The following ACTN1 variants were observed in gnomAD, a reference collection of about 807,000 sequenced individuals.
The protein encoded by ACTN1 is alpha-actinin-1.
A neutral mutation model predicts 119.6 loss-of-function variants in ACTN1; 30 were observed. The observed-to-expected ratio is 0.25, with a 90% CI of 0.19 to 0.34. ACTN1 has a LOEUF of 0.34. Among genes scored for constraint, ACTN1 ranks in the 10% least tolerant of loss-of-function variants. The probability of loss-of-function intolerance (pLI) is 1.00; values close to 1 mark genes in which losing one functional copy is unlikely to be tolerated. For synonymous variants in ACTN1, 429 were observed against 472.6 expected (o/e 0.91, Z 1.20); for missense variants, 764 against 1,223.4 (o/e 0.62, Z 5.60).
intron 1 of ACTN1, among the ~76,000 whole-genome samples, chr14:68,942,933 C>T (rs969319628): frequency 1.3e-5 from 2 of 152,086 alleles, no homozygotes; most frequent in East Asian, 1.9e-4. Context: ...TGCATGGCCC[C>T]GAGATGACAC....
At chr14:68,949,735 A>C (rs1437131324) in intron 1 of ACTN1, among the ~76,000 whole-genome samples, 2 of 152,246 alleles carry the variant, frequency 1.3e-5, no homozygotes, top group East Asian at 3.8e-4. Flanking sequence ...CGGAGAAACC[A>C]AACATGGTCA....
intron 1 of ACTN1, among the ~76,000 whole-genome samples, chr14:68,955,638 A>G (rs1003917156): frequency 6.6e-6 from 1 of 152,106 alleles, no homozygotes. Context: ...GCAGGGGAGG[A>G]CCTGCTGAGC....
At chr14:68,937,498 A>C (rs2140472525) in intron 1 of ACTN1, among the ~76,000 whole-genome samples, 2 of 152,340 alleles carry the variant, frequency 1.3e-5, no homozygotes, top group East Asian at 3.9e-4. Context: ...AAGAACTTTA[A>C]AGTGCCTTAT....
Position 68,878,083 on chromosome 14 carries a change from A to C in ACTN1, c.2427+375T>G. 1 of 200,554 alleles carries C rather than the reference A, an allele frequency of 5.0e-6. No homozygotes were observed. The highest frequency in any genetic ancestry group is 1.0e-5 in the Non-Finnish European group (1 of 97,966). The allele number at this position is 200,554 out of a possible 1,614,324, so 12.4% of individuals were successfully genotyped here. ...GCCCAACCAGAGTCACCGCCAGGAC[A>C]GAGGTGGAAGTCTCGGTTTCCATGC... On this transcript the variant is annotated intron_variant, in intron 20 of 21. Transcript: ENST00000394419. This position sits in a 1 kb window ranked among gnomAD's most constrained non-coding sequence, Gnocchi z 4.4.
chr14:68,894,245 G>A (rs141701681), intron 8 of ACTN1, among the ~76,000 whole-genome samples: 249 of 152,306 alleles, frequency 1.6e-3, no homozygotes, highest in African/African-American at 5.8e-3. Context: ...TGGGATCCCT[G>A]CAGAATCTCC....
chr14:68,903,845 T>A (rs969405857), intron 7 of ACTN1, among the ~76,000 whole-genome samples: 5 of 152,136 alleles, frequency 3.3e-5, no homozygotes, highest in African/African-American at 9.7e-5. Context: ...CGAGACGCTC[T>A]ACACAGGGAG....
At chr14:68,955,454 C>G (rs550008022) in intron 1 of ACTN1, among the ~76,000 whole-genome samples, 1 of 152,230 alleles carries the variant, frequency 6.6e-6, no homozygotes, top group African/African-American at 2.4e-5. Flanking sequence ...ACCCAGACAA[C>G]AGTCCACAGT....
chr14:68,929,302 G>C (rs1329694037), intron 1 of ACTN1, among the ~76,000 whole-genome samples: 1 of 152,132 alleles, frequency 6.6e-6, no homozygotes, highest in Non-Finnish European at 1.5e-5. Flanking sequence ...TGCTCCAGGG[G>C]TCCAGCAAGG....
intron 1 of ACTN1, among the ~76,000 whole-genome samples, chr14:68,958,383 G>A (rs1279614525): frequency 6.6e-6 from 1 of 152,154 alleles, no homozygotes; most frequent in Non-Finnish European, 1.5e-5. Context: ...CACTGCAGCA[G>A]TGAACCAGGT....
chr14:68,976,966 C>A (rs1007760740), intron 1 of ACTN1, among the ~76,000 whole-genome samples: 1 of 152,190 alleles, frequency 6.6e-6, no homozygotes, highest in Non-Finnish European at 1.5e-5. Flanking sequence ...CTCCCCACTG[C>A]GTTTAATATA....
At chr14:68,918,310 G>A (rs7400833) in intron 3 of ACTN1, among the ~76,000 whole-genome samples, 26,702 of 152,184 alleles carry the variant, frequency 0.18, 3,121 homozygotes, top group East Asian at 0.6. Context: ...GGCCGGGCGC[G>A]GTGGCTCACG....
chr14:68,973,465 A>G (rs938093530), intron 1 of ACTN1, among the ~76,000 whole-genome samples: 5 of 152,184 alleles, frequency 3.3e-5, no homozygotes, highest in Non-Finnish European at 7.3e-5. Context: ...CCATGTGAAG[A>G]AGGACATGTT....
In ACTN1 at chr14:68,979,298, A is replaced by T. The variant is rs546507698; in HGVS notation, c.-242T>A. The T allele has an allele frequency of 3.4e-6, 1 of 292,448 alleles. No homozygotes were observed. Among genetic ancestry groups the T allele is most frequent in the South Asian group, 6.1e-5 (1 of 16,504 alleles). 18.1% of individuals were successfully genotyped at this position (292,448 alleles called of 1,614,324 possible). A position where few individuals can be genotyped will look rare whatever the true frequency, so the allele number is the denominator to read the frequency against. ...GGGCGCTTGGACCTAATCTCCACGCACACTGAACTAGGCGGACACACTAGC... is the reference window on the plus strand; with the variant it reads ...GGGCGCTTGGACCTAATCTCCACGCTCACTGAACTAGGCGGACACACTAGC... On this transcript the variant is annotated 5_prime_UTR_variant, in exon 1 of 22. Transcript: ENST00000394419.
At chr14:68,966,921 A>T (rs2036725599) in intron 1 of ACTN1, among the ~76,000 whole-genome samples, 1 of 152,238 alleles carries the variant, frequency 6.6e-6, no homozygotes. Flanking sequence ...CAGGATGAAG[A>T]GGGACATGTC....
At chr14:68,905,386 AG>A (rs2033605369) in intron 6 of ACTN1, among the ~76,000 whole-genome samples, 1 of 152,242 alleles carries the variant, frequency 6.6e-6, no homozygotes, top group Non-Finnish European at 1.5e-5. Flanking sequence ...CTGTGAGAAT[AG>A]GATGGTGGTT....
At chr14:68,932,470 C>G (rs1328157630) in intron 1 of ACTN1, among the ~76,000 whole-genome samples, 1 of 146,662 alleles carries the variant, frequency 6.8e-6, no homozygotes, top group Non-Finnish European at 1.5e-5. Context: ...ACATCTATCT[C>G]ATTAGTTCTG....
At chr14:68,888,842 CT>C (rs1302948002) in intron 11 of ACTN1, among the ~76,000 whole-genome samples, 2 of 152,112 alleles carry the variant, frequency 1.3e-5, no homozygotes, top group East Asian at 1.9e-4. Context: ...AACAGTCATC[CT>C]GAAAGCATCT....
At chr14:68,928,214 C>T (rs2035027764) in intron 1 of ACTN1, among the ~76,000 whole-genome samples, 1 of 152,074 alleles carries the variant, frequency 6.6e-6, no homozygotes, top group South Asian at 2.1e-4. Flanking sequence ...CGTAAAAAGA[C>T]ACTGCTTTTG....
intron 6 of ACTN1, among the ~76,000 whole-genome samples, chr14:68,905,036 A>C (rs1482397758): frequency 6.6e-6 from 1 of 152,240 alleles, no homozygotes; most frequent in Non-Finnish European, 1.5e-5. Flanking sequence ...TGCCAAGGGC[A>C]GGGCACTGGC....
Sources: allele counts gnomAD v4.1 joint callset (sites outside exome capture counted in the v4.1 genomes callset), GRCh38; gene constraint gnomAD v4.1.1; non-coding constraint Gnocchi (gnomAD v3.1); transcripts MANE v1.5; gene names NCBI Gene and HGNC (gene_info 2026-07-23, HGNC 2026-07-21).